Variants in ATL1 observed in about 807,000 individuals in gnomAD.
ATL1 encodes the protein atlastin GTPase 1.
A neutral mutation model predicts 75.5 loss-of-function variants in ATL1; 31 were observed. The ratio of observed to expected loss-of-function variants is 0.41; its 90% CI spans 0.31 to 0.55. ATL1 has a LOEUF of 0.55. Ranked by LOEUF, ATL1 falls within the 20% of genes least tolerant of loss-of-function variation. The pLI is 0.27. For synonymous variants in ATL1, 226 were observed against 233.3 expected, an observed-to-expected ratio of 0.97 and a Z score of 0.28; for missense variants, 405 against 662.6, an observed-to-expected ratio of 0.61 and a Z score of 4.27.
intron 2 of ATL1, 44 bp from the exon 3 acceptor site, chr14:50,590,897 A>G (rs747986329): frequency 3.1e-6 from 5 of 1,596,876 alleles, no homozygotes; most frequent in Admixed American, 3.3e-5. Flanking sequence ...AAAAAACTAT[A>G]TACACATATC....
intron 1 of ATL1, 151 bp downstream of exon 1, chr14:50,560,450 C>A: frequency 9.3e-7 from 1 of 1,069,946 alleles, no homozygotes; most frequent in South Asian, 1.4e-5. Flanking sequence ...CCTGTTTGGG[C>A]GGAGGAACCA....
At chr14:50,555,215 C>A (rs1204416205), upstream of ATL1, among the ~76,000 whole-genome samples, 1 of 152,308 alleles carries the variant, frequency 6.6e-6, no homozygotes, top group African/African-American at 2.4e-5. Flanking sequence ...ATGATAGAAG[C>A]CCCAAGTGAA....
At chr14:50,545,765 C>T (rs917348461) in intron 1 of ATL1, among the ~76,000 whole-genome samples, 16 of 152,140 alleles carry the variant, frequency 1.1e-4, no homozygotes, top group African/African-American at 3.9e-4. Flanking sequence ...GTTGGAACTC[C>T]TGTAGCTTAT....
chr14:50,567,945 A>G (rs2038919790), intron 1 of ATL1, among the ~76,000 whole-genome samples: 1 of 152,172 alleles, frequency 6.6e-6, no homozygotes, highest in African/African-American at 2.4e-5. Flanking sequence ...ACAAGAGAAA[A>G]ATGTGTATTC....
At chr14:50,533,121 T>C (rs2038441540) in exon 1 of ATL1, 1 of 152,382 alleles carries the variant, frequency 6.6e-6, no homozygotes, top group Admixed American at 6.5e-5. Context: ...ACCTGCCTTC[T>C]ACTTAGTTCT....
chr14:50,543,955 T>G (rs2140149697), intron 1 of ATL1, among the ~76,000 whole-genome samples: 1 of 152,370 alleles, frequency 6.6e-6, no homozygotes, highest in South Asian at 2.1e-4. Context: ...CTGGCTATTT[T>G]GGAGTCTTCA....
In ATL1 at chr14:50,544,808, G is replaced by A. The variant is rs533860716; in HGVS notation, c.-140+11441G>A. Among the ~76,000 whole-genome samples, 5 of 152,010 alleles carry A rather than the reference G, an allele frequency of 3.3e-5. No homozygotes were observed. In the East Asian group the frequency reaches 9.7e-4, roughly 29 times the overall value. The stretch of plus-strand genomic sequence containing the variant: ...AAAAATTAGCCAGGCATGGTGGCAT[G>A]ACGCTATAAATGCAGCTACTCAGAA... On this transcript the variant is annotated intron_variant, in intron 1 of 13. Transcript: ENST00000441560.
intron 1 of ATL1, among the ~76,000 whole-genome samples, chr14:50,580,651 T>C (rs1393295467): frequency 1.3e-5 from 2 of 152,188 alleles, no homozygotes; most frequent in Non-Finnish European, 2.9e-5. Context: ...TGATAACAGA[T>C]ACTGGCTTAT....
intron 4 of ATL1, chr14:50,591,919 A>G (rs2039162399): frequency 2.8e-6 from 1 of 359,084 alleles, no homozygotes; most frequent in East Asian, 5.9e-5. Flanking sequence ...CCTACAATAA[A>G]CTCAGTAACA....
rs1172812271 is a variant in ATL1 at position 50,592,913 on chromosome 14, C to CAAAA, written c.523-919_523-916dup. ...GGGTGACAGGGCGAGACTCCCGTCT[C>CAAAA]AAAAAAAAAAAAAAAAATATATATA... On this transcript the variant is annotated intron_variant, in intron 4 of 13. Coordinates refer to ENST00000358385, the MANE Select transcript of ATL1 (RefSeq NM_015915.5). 2.8e-3 allele frequency among the ~76,000 whole-genome samples: 239 copies of CAAAA among 85,360 alleles called. 2 individuals are homozygous for CAAAA. Among genetic ancestry groups the CAAAA allele is most frequent in the Middle Eastern group, 0.016 (2 of 128 alleles). The allele number at this position is 85,360 out of a possible 152,430, so 56.0% of individuals were successfully genotyped here. A position where few individuals can be genotyped will look rare whatever the true frequency, so the allele number is the denominator to read the frequency against.
Position 50,591,006 on chromosome 14 carries a change from T to C in ATL1, c.348T>C (p.Ser116=). 1 of 1,613,836 alleles carries C rather than the reference T, an allele frequency of 6.2e-7. No homozygotes were observed. Among genetic ancestry groups the C allele is most frequent in the Non-Finnish European group, 8.5e-7 (1 of 1,179,792 alleles). ...CTGGTTTTTCATGGAGAGGTGGATC[T>C]GAGCGAGAGACCACAGGAATTCAGA... ...PLTGFSWRGG[S]ERETTGIQIW... is the part of the protein sequence containing the mutation. The change falls in exon 3 of 14, where the codon TCT becomes TCC. Residue 116 remains serine (S), a synonymous_variant. Coordinates refer to ENST00000358385, the MANE Select transcript of ATL1 (RefSeq NM_015915.5).
chr14:50,611,161 A>G (rs1161630838), intron 6 of ATL1, among the ~76,000 whole-genome samples: 1 of 152,142 alleles, frequency 6.6e-6, no homozygotes, highest in Non-Finnish European at 1.5e-5. Flanking sequence ...AGAGAGAGAA[A>G]GAGCCTTAAT....
intron 1 of ATL1, among the ~76,000 whole-genome samples, chr14:50,569,570 T>C (rs1331042514): frequency 6.6e-6 from 1 of 152,220 alleles, no homozygotes; most frequent in African/African-American, 2.4e-5. Flanking sequence ...ATACCAAAGA[T>C]GAAGCTACAA....
intron 1 of ATL1, among the ~76,000 whole-genome samples, chr14:50,546,142 AAG>A (rs1230679904): frequency 6.6e-6 from 1 of 152,238 alleles, no homozygotes; most frequent in African/African-American, 2.4e-5. Flanking sequence ...GAAGAAAAAA[AAG>A]AGGGTAAAAG....
At chr14:50,561,622 C>A (rs1211209247) in intron 1 of ATL1, among the ~76,000 whole-genome samples, 1 of 152,008 alleles carries the variant, frequency 6.6e-6, no homozygotes, top group Non-Finnish European at 1.5e-5. Flanking sequence ...TCACAGGATA[C>A]GGTAGACAAG....
intron 1 of ATL1, among the ~76,000 whole-genome samples, chr14:50,547,265 T>A (rs1457105329): frequency 6.6e-6 from 1 of 152,200 alleles, no homozygotes; most frequent in African/African-American, 2.4e-5. Flanking sequence ...TGAACTCTTG[T>A]GTAATTTAAA....
intron 10 of ATL1, 88 bp from the exon 11 acceptor site, chr14:50,623,089 G>T: frequency 9.5e-7 from 1 of 1,055,370 alleles, no homozygotes; most frequent in Non-Finnish European, 1.5e-6. Context: ...CACATTTCTT[G>T]CACATGATGC....
At chr14:50,572,995 C>A (rs749327155) in intron 1 of ATL1, among the ~76,000 whole-genome samples, 3 of 152,096 alleles carry the variant, frequency 2.0e-5, no homozygotes, top group African/African-American at 7.2e-5. Flanking sequence ...GAGAGAGAAG[C>A]GCAGAGCTAA....
chr14:50,571,788 A>T (rs1324983043), intron 1 of ATL1: 1 of 159,900 alleles, frequency 6.3e-6, no homozygotes, highest in East Asian at 1.7e-4. Context: ...TGACTATTAC[A>T]AAAGTTTATT....
Sources: allele counts gnomAD v4.1 joint callset (sites outside exome capture counted in the v4.1 genomes callset), GRCh38; gene constraint gnomAD v4.1.1; transcripts MANE v1.5; gene names NCBI Gene and HGNC (gene_info 2026-07-23, HGNC 2026-07-21).